The following ABCA4 variants were observed in gnomAD, a reference collection of about 807,000 sequenced individuals.
ABCA4 encodes ATP binding cassette subfamily A member 4, also known as retinal-specific phospholipid-transporting ATPase ABCA4.
Under a neutral mutation model 263.7 loss-of-function variants are expected in ABCA4, and 196 were observed. The ratio of observed to expected loss-of-function variants is 0.74; its 90% confidence interval spans 0.66 to 0.84. The LOEUF (loss-of-function observed/expected upper bound fraction) is 0.84, where lower values mean the gene tolerates loss of function less well. ABCA4 is among the 40% of genes least tolerant of loss of function. The probability of loss-of-function intolerance (pLI) is 0.00; values close to 1 mark genes in which losing one functional copy is unlikely to be tolerated. For synonymous variants in ABCA4, 1,133 were observed against 1,094.2 expected, an observed-to-expected ratio of 1.04 and a Z score of -0.70; for missense variants, 2,792 against 2,855.1, an observed-to-expected ratio of 0.98 and a Z score of 0.50.
chr1:94,100,832 G>A (rs770566288), intron 5 of ABCA4, among the ~76,000 whole-genome samples: 36 of 152,300 alleles, frequency 2.4e-4, no homozygotes, highest in Middle Eastern at 3.4e-3. Context: ...GTTGGACAGC[G>A]CCCAGAGAGA....
intron 24 of ABCA4, 147 bp from the exon 25 acceptor site, chr1:94,037,497 C>T: frequency 1.3e-6 from 1 of 778,466 alleles, no homozygotes; most frequent in Non-Finnish European, 2.2e-6. Context: ...AGGACTGATG[C>T]TCCATCAAGT....
At chr1:94,115,690 TA>T (rs200718429) in intron 1 of ABCA4, among the ~76,000 whole-genome samples, 4,044 of 152,262 alleles carry the variant, frequency 0.027, 204 homozygotes, top group African/African-American at 0.092. Flanking sequence ...GAAAGCACAA[TA>T]TGGCATGAGG....
At chr1:94,046,449 C>G (rs148328647) in intron 19 of ABCA4, among the ~76,000 whole-genome samples, 2 of 13,612 alleles carry the variant, frequency 1.5e-4, no homozygotes, top group African/African-American at 2.5e-4. Context: ...GTAATGGTTA[C>G]TATCTCAAAA....
intron 26 of ABCA4, among the ~76,000 whole-genome samples, chr1:94,033,211 G>A (rs1199497870): frequency 6.6e-6 from 1 of 152,116 alleles, no homozygotes; most frequent in Admixed American, 6.5e-5. Flanking sequence ...ATTGACCCCA[G>A]GAGTTTCAGA....
At chr1:94,006,340 T>G (rs919642822) in intron 43 of ABCA4, among the ~76,000 whole-genome samples, 4 of 152,166 alleles carry the variant, frequency 2.6e-5, no homozygotes, top group African/African-American at 9.7e-5. Context: ...TCCAAATTAG[T>G]GGGAGCTACC....
intron 7 of ABCA4, among the ~76,000 whole-genome samples, chr1:94,082,699 C>G (rs997069697): frequency 6.6e-6 from 1 of 152,218 alleles, no homozygotes; most frequent in African/African-American, 2.4e-5. Flanking sequence ...CCTTTCGTAA[C>G]ACTCATCACA....
intron 17 of ABCA4, among the ~76,000 whole-genome samples, chr1:94,050,836 T>C (rs1261390878): frequency 6.6e-6 from 1 of 152,114 alleles, no homozygotes. Flanking sequence ...TCCATCTCAG[T>C]GCTTGCAGGA....
intron 11 of ABCA4, among the ~76,000 whole-genome samples, chr1:94,072,344 C>T (rs541937131): frequency 1.1e-4 from 16 of 152,288 alleles, no homozygotes; most frequent in Admixed American, 6.5e-4. Flanking sequence ...GAGGTATTTT[C>T]GTATTAAAAT....
At chr1:94,058,559 G>A (rs532841875) in intron 14 of ABCA4, among the ~76,000 whole-genome samples, 4 of 152,262 alleles carry the variant, frequency 2.6e-5, no homozygotes, top group South Asian at 2.1e-4. Flanking sequence ...GCAGGGTTTC[G>A]CCATGTTGGC....
intron 5 of ABCA4, among the ~76,000 whole-genome samples, chr1:94,100,651 G>A (rs1662261337): frequency 6.6e-6 from 1 of 152,168 alleles, no homozygotes; most frequent in Non-Finnish European, 1.5e-5. Context: ...AGAGAACTGT[G>A]CCCCTGTCAT....
chr1:93,998,753 TTTTA>T (rs1659088064), intron 47 of ABCA4, among the ~76,000 whole-genome samples: 1 of 143,552 alleles, frequency 7.0e-6, no homozygotes, highest in African/African-American at 2.8e-5. Context: ...TTTTATTTTA[TTTTA>T]TTTGAGACAG....
chr1:94,017,797 A>C (rs546492743), intron 36 of ABCA4, among the ~76,000 whole-genome samples: 1 of 152,346 alleles, frequency 6.6e-6, no homozygotes, highest in East Asian at 1.9e-4. Flanking sequence ...CAAATGACTA[A>C]GAAAAAAAGG....
intron 37 of ABCA4, among the ~76,000 whole-genome samples, 172 bp from the exon 38 acceptor site, chr1:94,014,862 A>G (rs1322133086): frequency 6.6e-6 from 1 of 152,228 alleles, no homozygotes; most frequent in Non-Finnish European, 1.5e-5. Flanking sequence ...TCAACTTTAA[A>G]TGGAGATAAT....
chr1:94,054,258 A>C (rs1037507195), intron 16 of ABCA4, among the ~76,000 whole-genome samples: 10 of 152,220 alleles, frequency 6.6e-5, no homozygotes, highest in African/African-American at 2.4e-4. Flanking sequence ...CAGTTAACAA[A>C]ATAGACCACA....
In ABCA4 at chr1:94,000,852, G is replaced by A; in HGVS notation, c.6463C>T (p.Gln2155Ter). 6.2e-7 allele frequency: 1 copy of A among 1,614,208 alleles called. No homozygotes were observed. The highest frequency in any genetic ancestry group is 8.5e-7 in the Non-Finnish European group (1 of 1,180,022). ...KGAFRCMGTI[Q>*]HLKSKFGDGY... ...TCTGCTTACTTGGACTTGAGATGCT[G>A]AATGGTGCCCATACATCGAAAGGCG... is the stretch of plus-strand genomic sequence containing the variant. Residue 2155 changes from glutamine (Q) to a stop codon, truncating the protein, a stop_gained, in exon 47 of 50, where the codon CAG becomes TAG. Transcript: ENST00000370225. LOFTEE classifies it high-confidence loss of function.
rs1659050796 is a variant in ABCA4 at position 93,997,855 on chromosome 1, A to G, written c.6729+6T>C. 6.2e-7 allele frequency: 1 copy of G among 1,613,932 alleles called. No homozygotes were observed. The highest frequency in any genetic ancestry group is 8.5e-7 in the Non-Finnish European group (1 of 1,179,964). Reference sequence around the variant, plus strand: ...CTCAGCTCTCGGTGCCCCAGGGCCAACTTGCCTGGTCCAGTGTGGTCTGTG... The same window carrying G: ...CTCAGCTCTCGGTGCCCCAGGGCCAGCTTGCCTGGTCCAGTGTGGTCTGTG... On this transcript the variant is annotated splice_donor_region_variant and intron_variant, in intron 48 of 49. Coordinates refer to ENST00000370225, the MANE Select transcript of ABCA4 (RefSeq NM_000350.3).
At chr1:93,998,580 A>G (rs1377188389) in intron 47 of ABCA4, among the ~76,000 whole-genome samples, 1 of 152,150 alleles carries the variant, frequency 6.6e-6, no homozygotes, top group Non-Finnish European at 1.5e-5. Context: ...ACATACTGAA[A>G]ACTAGGAGAG....
intron 43 of ABCA4, among the ~76,000 whole-genome samples, chr1:94,007,176 A>ATCACAGGGGT (rs1293859158): frequency 3.3e-5 from 5 of 152,216 alleles, no homozygotes; most frequent in African/African-American, 1.2e-4. Context: ...TTCTTCATTC[A>ATCACAGGGGT]TCACAGGGGT....
intron 6 of ABCA4, among the ~76,000 whole-genome samples, chr1:94,090,068 G>A (rs985699278): frequency 1.3e-5 from 2 of 152,014 alleles, no homozygotes; most frequent in South Asian, 2.1e-4. Context: ...CAGACACACC[G>A]TTTCCACTAA....
Sources: gnomAD v4.1 joint callset for allele counts (sites outside exome capture counted in the v4.1 genomes callset) on GRCh38, gnomAD v4.1.1 for gene constraint, MANE v1.5 for transcripts, NCBI Gene and HGNC (gene_info 2026-07-23, HGNC 2026-07-21) for gene names.